Variants in CALCR observed in about 807,000 individuals in gnomAD.
The protein encoded by CALCR is calcitonin receptor.
A neutral mutation model predicts 59.5 loss-of-function variants in CALCR; 47 were observed. That is an observed-to-expected ratio of 0.79 (90% confidence interval 0.63 to 1.01). The LOEUF (loss-of-function observed/expected upper bound fraction) is 1.01. Ranked by LOEUF, CALCR falls within the 50% of genes least tolerant of loss-of-function variation. CALCR has a pLI of 0.00. For missense variants in CALCR, 566 were observed against 597.1 expected (o/e 0.95, Z 0.54); for synonymous variants, 213 against 211.3 (o/e 1.01, Z -0.07).
chr7:93,505,590 A>G (rs1161056787), intron 2 of CALCR, among the ~76,000 whole-genome samples: 2 of 152,134 alleles, frequency 1.3e-5, no homozygotes, highest in Non-Finnish European at 2.9e-5. Flanking sequence ...CGTCTTCTCA[A>G]CCCTGTCTCC....
At chr7:93,528,889 C>T (rs969383168) in intron 2 of CALCR, among the ~76,000 whole-genome samples, 3 of 152,054 alleles carry the variant, frequency 2.0e-5, no homozygotes, top group East Asian at 3.9e-4. Flanking sequence ...CCAACTTTAT[C>T]GAAAATTTTG....
At chr7:93,557,686 C>T (rs1011836484) in intron 2 of CALCR, among the ~76,000 whole-genome samples, 1 of 151,850 alleles carries the variant, frequency 6.6e-6, no homozygotes, top group Non-Finnish European at 1.5e-5. Flanking sequence ...TAGATTATAA[C>T]AAATGTATCA....
At chr7:93,455,815 A>T (rs1258032424) in intron 8 of CALCR, among the ~76,000 whole-genome samples, 1 of 152,142 alleles carries the variant, frequency 6.6e-6, no homozygotes, top group Non-Finnish European at 1.5e-5. Context: ...AAAGATACTC[A>T]AGAAATTGGA....
chr7:93,556,824 G>A (rs1298166218), intron 2 of CALCR, among the ~76,000 whole-genome samples: 10 of 151,874 alleles, frequency 6.6e-5, no homozygotes, highest in African/African-American at 1.7e-4. Flanking sequence ...GGCAATATCC[G>A]TCTTTGAAAT....
chr7:93,484,145 C>G (rs893070621), intron 3 of CALCR: 1 of 293,700 alleles, frequency 3.4e-6, no homozygotes, highest in African/African-American at 2.2e-5. Flanking sequence ...AACTGGCAAG[C>G]CACCTGCTCT....
At chr7:93,552,717 A>T (rs373240272) in intron 2 of CALCR, among the ~76,000 whole-genome samples, 4 of 152,222 alleles carry the variant, frequency 2.6e-5, no homozygotes, top group African/African-American at 9.6e-5. Flanking sequence ...ATTATCTCCA[A>T]ACATGAATAT....
chr7:93,489,447 A>C (rs148477348), intron 2 of CALCR, among the ~76,000 whole-genome samples: 1,794 of 151,842 alleles, frequency 0.012, 47 homozygotes, highest in South Asian at 0.068. Flanking sequence ...AAACCCAAAA[A>C]ACCCTCCAAA....
At chr7:93,434,082 C>T (rs1184053275) in intron 13 of CALCR, among the ~76,000 whole-genome samples, 171 bp downstream of exon 13, 2 of 152,160 alleles carry the variant, frequency 1.3e-5, no homozygotes, top group African/African-American at 2.4e-5. Flanking sequence ...ACTACACATC[C>T]ATGGATAAGA....
chr7:93,569,622 T>G (rs1789954346), intron 2 of CALCR, among the ~76,000 whole-genome samples: 1 of 152,182 alleles, frequency 6.6e-6, no homozygotes, highest in Admixed American at 6.5e-5. Flanking sequence ...TAATGTTTGT[T>G]GGTTTGTCTG....
chr7:93,542,299 T>C (rs1219711679), intron 2 of CALCR, among the ~76,000 whole-genome samples: 1 of 152,206 alleles, frequency 6.6e-6, no homozygotes, highest in Non-Finnish European at 1.5e-5. Context: ...TAATGGGTAC[T>C]GTAGACAACT....
rs923650175 is a variant in CALCR, at chr7:93,505,374, C to T, written c.-26-18367G>A. Among the ~76,000 whole-genome samples, 5 of 152,200 alleles carry T rather than the reference C, an allele frequency of 3.3e-5. No homozygotes were observed. The East Asian group carries it at 7.8e-4, about 24-fold the overall frequency. On this transcript the variant is annotated intron_variant, in intron 2 of 13. Coordinates refer to ENST00000426151, the MANE Select transcript of CALCR (RefSeq NM_001742.4). ...AGGATATGAATTAGTGTGATAGATT[C>T]GGGAAAGTTTAGTCACGAAAGATGT...
intron 3 of CALCR, among the ~76,000 whole-genome samples, chr7:93,482,508 G>A (rs1363070543): frequency 1.3e-5 from 2 of 151,686 alleles, no homozygotes; most frequent in East Asian, 2.0e-4. Flanking sequence ...GTTTAAATCT[G>A]GCTTTCTTCC....
intron 2 of CALCR, among the ~76,000 whole-genome samples, chr7:93,569,568 C>A (rs1300590456): frequency 6.6e-6 from 1 of 152,118 alleles, no homozygotes; most frequent in East Asian, 1.9e-4. Flanking sequence ...CGGCTAGGCA[C>A]CCTCATGGCA....
At chr7:93,438,962 C>T (rs1308410613) in intron 9 of CALCR, among the ~76,000 whole-genome samples, 1 of 151,630 alleles carries the variant, frequency 6.6e-6, no homozygotes, top group Admixed American at 6.6e-5. Context: ...TGCAATACGT[C>T]CTTCCAGATT....
chr7:93,461,077 G>C (rs1800326264), intron 7 of CALCR, 130 bp from the exon 8 acceptor site: 2 of 705,138 alleles, frequency 2.8e-6, no homozygotes, highest in Non-Finnish European at 4.5e-6. Flanking sequence ...AGAAAGTAAG[G>C]CTGGTCTCCT....
chr7:93,560,591 T>C (rs1217531817), intron 2 of CALCR, among the ~76,000 whole-genome samples: 1 of 152,120 alleles, frequency 6.6e-6, no homozygotes, highest in East Asian at 1.9e-4. Context: ...ACAACTTTTA[T>C]TGGCTTGATA....
intron 3 of CALCR, chr7:93,484,024 A>T: frequency 1.9e-6 from 1 of 516,736 alleles, no homozygotes; most frequent in Non-Finnish European, 4.0e-6. Flanking sequence ...TGCCACCAAC[A>T]GCAGTAGTCA....
Position 93,477,611 on chromosome 7 carries a change from C to A in CALCR, c.263G>T (p.Gly88Val). The change falls in exon 5 of 14, where the codon GGA becomes GTA. Residue 88 changes from glycine (G) to valine (V), a missense_variant. Physicochemically the swap from Gly to Val is moderately radical, Grantham distance 109 (BLOSUM62 -3). Transcript: ENST00000426151. ...TGGGCAGAACTGATAGGACAATACT[C>A]CAGCCGGTGTGTCATCCCAGCACAG... ...GWLCWDDTPA[G>V]VLSYQFCPDY... 1 of 1,611,564 alleles carries A rather than the reference C, an allele frequency of 6.2e-7. No homozygotes were observed. Among genetic ancestry groups the A allele is most frequent in the Non-Finnish European group, 8.5e-7 (1 of 1,178,532 alleles).
chr7:93,429,922 T>G (rs534443581), intron 13 of CALCR, among the ~76,000 whole-genome samples: 1,418 of 86,354 alleles, frequency 0.016, 33 homozygotes, highest in Non-Finnish European at 0.02. Flanking sequence ...CGGTTTTTTT[T>G]TTTGTTTGTT....
Sources: gnomAD v4.1 joint callset for allele counts (sites outside exome capture counted in the v4.1 genomes callset) on GRCh38, gnomAD v4.1.1 for gene constraint, MANE v1.5 for transcripts, NCBI Gene and HGNC (gene_info 2026-07-23, HGNC 2026-07-21) for gene names.